Variants in ANKRD30A observed in about 807,000 individuals in gnomAD.
The protein encoded by ANKRD30A is ankyrin repeat domain 30A.
Under a neutral mutation model 166.3 loss-of-function variants are expected in ANKRD30A, and 170 were observed. That is an observed-to-expected ratio of 1.02 (90% CI 0.90 to 1.16). The LOEUF (loss-of-function observed/expected upper bound fraction) is 1.16, where lower values mean the gene tolerates loss of function less well. ANKRD30A is among the 50% of genes most tolerant of loss of function. The pLI is 0.00. For missense variants in ANKRD30A, 1,630 were observed against 1,518.0 expected (o/e 1.07, Z -1.23); for synonymous variants, 564 against 508.9 (o/e 1.11, Z -1.46).
intron 11 of ANKRD30A, among the ~76,000 whole-genome samples, chr10:37,151,755 A>T (rs555247971): frequency 6.6e-6 from 1 of 152,228 alleles, no homozygotes; most frequent in African/African-American, 2.4e-5. Flanking sequence ...AATGAACAGC[A>T]AATATAGGAC....
chr10:37,231,555 C>A lies in ANKRD30A; in HGVS notation c.*86C>A. 9.2e-7 allele frequency: 1 copy of A among 1,087,256 alleles called. No homozygotes were observed. The highest frequency in any genetic ancestry group is 1.8e-5 in the South Asian group (1 of 54,164). 67.4% of individuals were successfully genotyped at this position (1,087,256 alleles called of 1,614,324 possible). A position where few individuals can be genotyped will look rare whatever the true frequency, so the allele number is the denominator to read the frequency against. On this transcript the variant is annotated 3_prime_UTR_variant, in exon 35 of 36. Coordinates refer to ENST00000361713, the MANE Select transcript of ANKRD30A (RefSeq NM_052997.3). ...CATGCTAGGAGGCCAGTCCTAGCAT[C>A]ACCTTATGTTGAAAATCTTACCAAT...
Position 37,193,180 on chromosome 10 carries a change from A to T in ANKRD30A, c.2542-6A>T. 1.2e-6 allele frequency: 2 copies of T among 1,611,958 alleles called. No homozygotes were observed. Among genetic ancestry groups the T allele is most frequent in the Non-Finnish European group, 1.7e-6 (2 of 1,179,310 alleles). ...TATTAATTGTTTTGTTTCTAAACCC[A>T]TTTAGGCTCCCTGCAGAATGAAAGT... On this transcript the variant is annotated splice_region_variant and splice_polypyrimidine_tract_variant and intron_variant, in intron 26 of 35. Transcript: ENST00000361713.
chr10:37,219,873 T>C lies in ANKRD30A; in HGVS notation c.4161T>C (p.Tyr1387=), dbSNP rs1304042896. Residue 1387 remains tyrosine (Y), a synonymous_variant, in exon 34 of 36, where the codon TAT becomes TAC. Transcript: ENST00000361713. ...NNHLKNRIYQ[Y]EKEKAETENS ...ATTTAAAAAACCGTATATATCAATA[T>C]GAAAAAGAGAAAGCAGAAACAGAAG... is the stretch of plus-strand genomic sequence containing the variant. The C allele has an allele frequency of 6.6e-6, 10 of 1,522,326 alleles. No homozygotes were observed. In the Admixed American group the frequency reaches 6.7e-5, roughly 10 times the overall value. The allele number at this position is 1,522,326 out of a possible 1,614,324, so 94.3% of individuals were successfully genotyped here.
intron 13 of ANKRD30A, among the ~76,000 whole-genome samples, chr10:37,155,032 C>G (rs1355902956): frequency 6.6e-6 from 1 of 152,062 alleles, no homozygotes; most frequent in Non-Finnish European, 1.5e-5. Context: ...GTAAAATTGC[C>G]ATTTTATAAA....
At chr10:37,230,447 T>A (rs570258705) in intron 34 of ANKRD30A, among the ~76,000 whole-genome samples, 1 of 152,020 alleles carries the variant, frequency 6.6e-6, no homozygotes, top group Non-Finnish European at 1.5e-5. Context: ...TTTATATGGC[T>A]TTTTTCCCCT....
chr10:37,216,149 T>C, intron 31 of ANKRD30A, 32 bp from the exon 32 acceptor site: 2 of 1,460,872 alleles, frequency 1.4e-6, no homozygotes. Context: ...AAAGTACTAA[T>C]ATATTTTATT....
At chr10:37,203,068 T>A (rs1841752784) in intron 31 of ANKRD30A, among the ~76,000 whole-genome samples, 2 of 152,150 alleles carry the variant, frequency 1.3e-5, no homozygotes, top group Admixed American at 1.3e-4. Context: ...AAGGAGGAGC[T>A]GATACCATTC....
chr10:37,262,788 G>T, the ANKRD30A span, among the ~76,000 whole-genome samples: 1 of 151,966 alleles, frequency 6.6e-6, no homozygotes, highest in Non-Finnish European at 1.5e-5. Context: ...AAGCCTCATT[G>T]TAAAAACAAA....
At chr10:37,191,508 G>A (rs2132657015) in intron 25 of ANKRD30A, among the ~76,000 whole-genome samples, 1 of 151,966 alleles carries the variant, frequency 6.6e-6, no homozygotes, top group African/African-American at 2.4e-5. Context: ...TCTACGTTCA[G>A]CTTTTGCATT....
the ANKRD30A span, among the ~76,000 whole-genome samples, chr10:37,248,821 G>A: frequency 2.0e-5 from 3 of 152,024 alleles, no homozygotes; most frequent in Non-Finnish European, 4.4e-5. Flanking sequence ...TCAAACTGCA[G>A]AGGGGTCTGT....
At chr10:37,210,602 AT>A (rs1842249149) in intron 31 of ANKRD30A, among the ~76,000 whole-genome samples, 1 of 152,098 alleles carries the variant, frequency 6.6e-6, no homozygotes, top group Non-Finnish European at 1.5e-5. Flanking sequence ...AAACGATTCT[AT>A]TTCTCCACAT....
chr10:37,236,223 A>G (rs796458850), downstream of ANKRD30A, among the ~76,000 whole-genome samples: 4 of 152,106 alleles, frequency 2.6e-5, no homozygotes, highest in African/African-American at 7.2e-5. Context: ...TGATTCTCCT[A>G]TTTCTTTCCC....
At chr10:37,139,859 T>C (rs1004902650) in intron 6 of ANKRD30A, among the ~76,000 whole-genome samples, 1 of 152,176 alleles carries the variant, frequency 6.6e-6, no homozygotes, top group African/African-American at 2.4e-5. Context: ...AGTTGAGTCT[T>C]GAGCAATATG....
At chr10:37,136,406 T>C (rs1378243149) in intron 5 of ANKRD30A, among the ~76,000 whole-genome samples, 3 of 152,222 alleles carry the variant, frequency 2.0e-5, no homozygotes, top group African/African-American at 7.2e-5. Context: ...CATGAGTATT[T>C]CATCTTACTT....
rs1227482581 is a variant in ANKRD30A at position 37,125,601 on chromosome 10, T to G, written c.-187T>G. Reference sequence around the variant, plus strand: ...TGCGCATGCGCTGCTGGCTAACGGCTCTGCTCAGCGCGATTCTACTGAGAG... The same window carrying G: ...TGCGCATGCGCTGCTGGCTAACGGCGCTGCTCAGCGCGATTCTACTGAGAG... On this transcript the variant is annotated 5_prime_UTR_variant, in exon 1 of 36. Transcript: ENST00000361713. Among the ~76,000 whole-genome samples, 1 of 152,138 alleles carries G rather than the reference T, an allele frequency of 6.6e-6. No individual in the cohort carries two copies. The highest frequency in any genetic ancestry group is 1.5e-5 in the Non-Finnish European group (1 of 68,016).
the ANKRD30A span, among the ~76,000 whole-genome samples, chr10:37,248,819 C>A: frequency 7.7e-4 from 117 of 151,974 alleles, 2 homozygotes; most frequent in Admixed American, 5.7e-3. Context: ...TTTCAAACTG[C>A]AGAGGGGTCT....
At position 37,128,836 on chromosome 10, in the gene ANKRD30A, G is replaced by A. The variant is rs371597967; in HGVS notation, c.222-1057G>A. ...TCATCTTTCAAAAAAAAGCACTTCT[G>A]AAGTGAAAAACTAGTAAAATATAAC... On this transcript the variant is annotated intron_variant, in intron 1 of 35. Transcript: ENST00000361713. Among the ~76,000 whole-genome samples, 45 of 152,158 alleles carry A rather than the reference G, an allele frequency of 3.0e-4. 1 individual carries two copies. In the South Asian group the frequency reaches 9.1e-3, roughly 31 times the overall value.
the ANKRD30A span, among the ~76,000 whole-genome samples, chr10:37,257,172 T>G: frequency 6.6e-6 from 1 of 152,138 alleles, no homozygotes; most frequent in African/African-American, 2.4e-5. Context: ...ATGTTCTAGT[T>G]TATTTGCATT....
the ANKRD30A span, among the ~76,000 whole-genome samples, chr10:37,258,064 A>T: frequency 6.6e-6 from 1 of 152,204 alleles, no homozygotes; most frequent in Admixed American, 6.5e-5. Flanking sequence ...GCAAATCATC[A>T]TGGCACATGT....
Sources: allele counts gnomAD v4.1 joint callset (sites outside exome capture counted in the v4.1 genomes callset), GRCh38; gene constraint gnomAD v4.1.1; transcripts MANE v1.5; gene names NCBI Gene and HGNC (gene_info 2026-07-23, HGNC 2026-07-21).